Variants in JARID2 observed in about 807,000 individuals in gnomAD.
The protein encoded by JARID2 is protein Jumonji.
A neutral mutation model predicts 125.6 loss-of-function variants in JARID2; 21 were observed. That is an observed-to-expected ratio of 0.17 (90% CI 0.12 to 0.24). The LOEUF (loss-of-function observed/expected upper bound fraction) is 0.24, where lower values mean the gene tolerates loss of function less well. Ranked by LOEUF, JARID2 falls within the 10% of genes least tolerant of loss-of-function variation. The pLI is 1.00. For missense variants in JARID2, 1,303 were observed against 1,639.6 expected (o/e 0.79, Z 3.55); for synonymous variants, 736 against 661.6 (o/e 1.11, Z -1.73).
At chr6:15,424,774 G>T (rs1353783612) in intron 3 of JARID2, among the ~76,000 whole-genome samples, 2 of 152,146 alleles carry the variant, frequency 1.3e-5, no homozygotes, top group Non-Finnish European at 2.9e-5. Context: ...CAGGAGAATC[G>T]CTTGAACCAA....
rs374926029 is a variant in JARID2 at position 15,359,622 on chromosome 6, GGT to G, written c.46-14488_46-14487del. Among the ~76,000 whole-genome samples, 721 of 152,144 alleles carry G rather than the reference GGT, an allele frequency of 4.7e-3. 8 individuals carry two copies. Among genetic ancestry groups the G allele is most frequent in the African/African-American group, 0.016 (662 of 41,506 alleles). On this transcript the variant is annotated intron_variant, in intron 1 of 17. Coordinates refer to ENST00000341776, the MANE Select transcript of JARID2 (RefSeq NM_004973.4). The stretch of plus-strand genomic sequence containing the variant: ...AGGCTATCTGTGGGTAGCGGTGGGG[GGT>G]GTGTGTTAGAGAGAGGTGGGTAGGG...
chr6:15,414,775 A>G (rs573980364), intron 3 of JARID2, among the ~76,000 whole-genome samples: 1 of 151,318 alleles, frequency 6.6e-6, no homozygotes, highest in Non-Finnish European at 1.5e-5. Context: ...TTTTTTTTTT[A>G]AATGATATAT....
At chr6:15,320,722 G>C (rs1166195962) in intron 1 of JARID2, among the ~76,000 whole-genome samples, 2 of 152,114 alleles carry the variant, frequency 1.3e-5, no homozygotes, top group African/African-American at 4.8e-5. Context: ...AATAATTACT[G>C]TATTTCATTT....
At chr6:15,478,056 GTATT>G (rs1769432262) in intron 5 of JARID2, among the ~76,000 whole-genome samples, 1 of 152,158 alleles carries the variant, frequency 6.6e-6, no homozygotes, top group Non-Finnish European at 1.5e-5. Flanking sequence ...CTTTGCTAAA[GTATT>G]TATTTGTTCC....
intron 6 of JARID2, among the ~76,000 whole-genome samples, chr6:15,492,815 C>G (rs1293724066): frequency 6.6e-6 from 1 of 152,088 alleles, no homozygotes; most frequent in African/African-American, 2.4e-5. Flanking sequence ...CTTCGCTGGT[C>G]TGTGTTGTGG....
intron 2 of JARID2, among the ~76,000 whole-genome samples, chr6:15,385,724 C>T (rs565497757): frequency 3.3e-5 from 5 of 152,194 alleles, no homozygotes; most frequent in South Asian, 2.1e-4. Context: ...ACGTCTCTGC[C>T]GCCCCCTTTC....
At chr6:15,336,173 G>A (rs557915938) in intron 1 of JARID2, among the ~76,000 whole-genome samples, 5 of 152,294 alleles carry the variant, frequency 3.3e-5, no homozygotes, top group Middle Eastern at 3.4e-3. Context: ...AGGTAATTCC[G>A]GTGAGTGCTG....
intron 1 of JARID2, among the ~76,000 whole-genome samples, chr6:15,310,128 A>T (rs1160003363): frequency 6.6e-6 from 1 of 152,118 alleles, no homozygotes; most frequent in East Asian, 1.9e-4. Flanking sequence ...TCTCTGGTGA[A>T]ACAGATGAAT....
intron 1 of JARID2, among the ~76,000 whole-genome samples, chr6:15,333,396 T>C (rs1367871992): frequency 1.3e-5 from 2 of 152,328 alleles, no homozygotes; most frequent in Non-Finnish European, 2.9e-5. Context: ...ACCACTAATG[T>C]CCTTTCTGTC....
chr6:15,340,679 G>A (rs1763037586), intron 1 of JARID2, among the ~76,000 whole-genome samples: 1 of 152,172 alleles, frequency 6.6e-6, no homozygotes. Flanking sequence ...CCCATTTATA[G>A]CCATGATGGT....
intron 9 of JARID2, among the ~76,000 whole-genome samples, chr6:15,506,030 T>A (rs1256776939): frequency 6.6e-6 from 1 of 152,274 alleles, no homozygotes; most frequent in Admixed American, 6.5e-5. Context: ...TTACAGCCTC[T>A]TATTCAGGAA....
intron 1 of JARID2, among the ~76,000 whole-genome samples, chr6:15,295,400 C>T (rs919343904): frequency 5.3e-5 from 8 of 152,098 alleles, no homozygotes; most frequent in African/African-American, 1.2e-4. Flanking sequence ...GGATTACAGA[C>T]GTGAGCCACT....
intron 3 of JARID2, among the ~76,000 whole-genome samples, chr6:15,433,009 G>A (rs1767034485): frequency 6.6e-6 from 1 of 152,192 alleles, no homozygotes; most frequent in Admixed American, 6.5e-5. Flanking sequence ...TAAGTCTGAG[G>A]TGGTGCCTGA....
At chr6:15,515,160 C>T (rs1313310915) in intron 16 of JARID2, among the ~76,000 whole-genome samples, 3 of 152,100 alleles carry the variant, frequency 2.0e-5, no homozygotes, top group Admixed American at 1.3e-4. Flanking sequence ...CCACCTCAGC[C>T]TCCTGAGTAG....
intron 3 of JARID2, among the ~76,000 whole-genome samples, chr6:15,433,921 GGTGT>G (rs146025914): frequency 0.071 from 9,245 of 131,128 alleles, 344 homozygotes; most frequent in African/African-American, 0.098. Context: ...CACTCTCCAG[GGTGT>G]GTGTGTGTGT....
chr6:15,282,268 T>A (rs1359246806), intron 1 of JARID2, among the ~76,000 whole-genome samples: 3 of 151,960 alleles, frequency 2.0e-5, no homozygotes, highest in South Asian at 4.1e-4. Flanking sequence ...TAGGAAGAAA[T>A]TTTTTCCTTC....
intron 16 of JARID2, among the ~76,000 whole-genome samples, chr6:15,513,984 T>G (rs1282818704): frequency 6.6e-6 from 1 of 152,264 alleles, no homozygotes; most frequent in Non-Finnish European, 1.5e-5. Context: ...GATGCTTTTC[T>G]GGCACAGCCA....
At chr6:15,261,586 C>T (rs1182149852) in intron 1 of JARID2, among the ~76,000 whole-genome samples, 1 of 152,156 alleles carries the variant, frequency 6.6e-6, no homozygotes, top group Non-Finnish European at 1.5e-5. Context: ...TCCCAAAGTG[C>T]TGGGATTACA....
chr6:15,407,353 G>C (rs1387713210), intron 2 of JARID2, among the ~76,000 whole-genome samples: 1 of 152,144 alleles, frequency 6.6e-6, no homozygotes, highest in Non-Finnish European at 1.5e-5. Flanking sequence ...GGACACTTGG[G>C]GGGTGATTCG....
Sources: allele counts gnomAD v4.1 joint callset (sites outside exome capture counted in the v4.1 genomes callset), GRCh38; gene constraint gnomAD v4.1.1; transcripts MANE v1.5; gene names NCBI Gene and HGNC (gene_info 2026-07-23, HGNC 2026-07-21).